Variants in IMPACT observed in about 807,000 individuals in gnomAD.
IMPACT encodes the protein protein IMPACT.
Under a neutral mutation model 47.5 loss-of-function variants are expected in IMPACT, and 35 were observed. The observed-to-expected ratio is 0.74, with a 90% CI of 0.56 to 0.98. IMPACT has a LOEUF of 0.98. Ranked by LOEUF, IMPACT falls within the 50% of genes least tolerant of loss-of-function variation. The pLI, the probability that IMPACT is intolerant of heterozygous loss-of-function variation, is 0.00. For synonymous variants in IMPACT, 118 were observed against 125.6 expected (o/e 0.94, Z 0.40); for missense variants, 373 against 394.8 (o/e 0.94, Z 0.47).
intron 8 of IMPACT, among the ~76,000 whole-genome samples, chr18:24,447,612 T>C (rs983899277): frequency 2.0e-5 from 3 of 152,192 alleles, no homozygotes; most frequent in Non-Finnish European, 4.4e-5. Context: ...GTATAAAATA[T>C]TACCTTATGT....
intron 4 of IMPACT, among the ~76,000 whole-genome samples, chr18:24,435,077 G>A (rs1035678408): frequency 1.3e-4 from 20 of 151,172 alleles, no homozygotes; most frequent in Non-Finnish European, 4.4e-5. Flanking sequence ...GGGCCCAAGT[G>A]ATCCTCCCAC....
intron 9 of IMPACT, among the ~76,000 whole-genome samples, chr18:24,448,484 A>G (rs936339326): frequency 6.6e-6 from 1 of 151,942 alleles, no homozygotes; most frequent in East Asian, 1.9e-4. Flanking sequence ...TATTTTTTCT[A>G]TTCTTTCTTT....
chr18:24,445,293 C>G (rs757937281), intron 7 of IMPACT, 100 bp from the exon 8 acceptor site: 3 of 709,574 alleles, frequency 4.2e-6, no homozygotes, highest in Non-Finnish European at 4.6e-6. Flanking sequence ...CTTTAAGTGA[C>G]TATTTATTTT....
intron 8 of IMPACT, among the ~76,000 whole-genome samples, chr18:24,446,004 T>C (rs1480440420): frequency 6.6e-6 from 1 of 152,168 alleles, no homozygotes; most frequent in African/African-American, 2.4e-5. Context: ...GAAAGAATTC[T>C]TAGAAGTAGA....
At chr18:24,428,822 T>G in intron 2 of IMPACT, 47 bp from the exon 3 acceptor site, 1 of 1,463,558 alleles carries the variant, frequency 6.8e-7, no homozygotes, top group East Asian at 2.3e-5. Context: ...TGGTTACTTT[T>G]GAACCTTGAT....
At chr18:24,434,776 A>ATAT (rs1555666477) in intron 4 of IMPACT, among the ~76,000 whole-genome samples, 33 of 113,998 alleles carry the variant, frequency 2.9e-4, no homozygotes, top group South Asian at 1.7e-3. Flanking sequence ...AAAAAAAAAA[A>ATAT]ATATATATAT....
Position 24,440,586 on chromosome 18 carries a change from C to T in IMPACT, c.458C>T (p.Ala153Val), listed in dbSNP as rs1056022984. Residue 153 changes from alanine (A) to valine (V), a missense_variant, in exon 6 of 11, where the codon GCA (alanine) becomes GTA (valine). Transcript: ENST00000284202. The stretch of plus-strand genomic sequence containing the variant: ...TGTCAGCCGGAAAGTTCGCTTAAAG[C>T]ATTGGATTTTGATATCAGTGAAACT... ...LACQPESSLK[A>V]LDFDISETRT... 1.2e-6 allele frequency: 2 copies of T among 1,613,052 alleles called. No homozygotes were observed. Among genetic ancestry groups the T allele is most frequent in the Non-Finnish European group, 1.7e-6 (2 of 1,179,410 alleles).
chr18:24,426,691 C>G lies in IMPACT; in HGVS notation c.-66C>G, dbSNP rs1227758065. ...CCGCAGCCAGCTCTCGGCTCGCAGCCGCAGCGCCCCGCCCCCGCGCTCCGG... is the reference window on the plus strand; with the variant it reads ...CCGCAGCCAGCTCTCGGCTCGCAGCGGCAGCGCCCCGCCCCCGCGCTCCGG... On this transcript the variant is annotated 5_prime_UTR_variant, in exon 1 of 11. Coordinates refer to ENST00000284202, the MANE Select transcript of IMPACT (RefSeq NM_018439.4). 3.4e-6 allele frequency: 4 copies of G among 1,177,108 alleles called. No homozygotes were observed. The highest frequency in any genetic ancestry group is 4.3e-6 in the Non-Finnish European group (4 of 936,638). The allele number at this position is 1,177,108 out of a possible 1,614,324, so 72.9% of individuals were successfully genotyped here.
intron 1 of IMPACT, chr18:24,427,029 A>C (rs1908627768): frequency 7.7e-6 from 3 of 390,044 alleles, no homozygotes; most frequent in East Asian, 7.3e-5. Context: ...TGTCCTCGTC[A>C]ACCATTAACA....
chr18:24,438,576 G>T (rs912457297), intron 5 of IMPACT, among the ~76,000 whole-genome samples: 2 of 152,152 alleles, frequency 1.3e-5, no homozygotes, highest in African/African-American at 2.4e-5. Context: ...TTTGTCCATT[G>T]TTTTCTCATG....
At position 24,427,745 on chromosome 18, in the gene IMPACT, C is replaced by A. The variant is rs78385757; in HGVS notation, c.37-174C>A. On this transcript the variant is annotated intron_variant, in intron 1 of 10. Coordinates refer to ENST00000284202, the MANE Select transcript of IMPACT (RefSeq NM_018439.4). ...TCATTGCAGTAGCGCCTAGCAACCA[C>A]CCAGAGAGCAGAACATGGTGACCTG... 8.4e-3 allele frequency: 4,860 copies of A among 575,808 alleles called. 189 individuals are homozygous for A. The highest frequency in any genetic ancestry group is 0.084 in the African/African-American group (4,314 of 51,304). 35.7% of individuals were successfully genotyped at this position (575,808 alleles called of 1,614,324 possible).
intron 8 of IMPACT, 103 bp downstream of exon 8, chr18:24,445,569 T>C (rs1283538410): frequency 1.2e-5 from 7 of 589,998 alleles, no homozygotes; most frequent in Non-Finnish European, 2.0e-5. Context: ...TTTTCCATTG[T>C]AATAGTAATA....
intron 5 of IMPACT, among the ~76,000 whole-genome samples, chr18:24,440,078 T>C (rs528267862): frequency 9.2e-5 from 14 of 152,338 alleles, no homozygotes; most frequent in African/African-American, 3.4e-4. Flanking sequence ...AATTCTATTA[T>C]GAGGAAGGGA....
chr18:24,453,393 A>G lies in IMPACT; in HGVS notation c.*2546A>G, dbSNP rs1909437439. The G allele has an allele frequency of 6.6e-6, 1 of 152,100 alleles. No individual in the cohort carries two copies. Among genetic ancestry groups the G allele is most frequent in the Non-Finnish European group, 1.5e-5 (1 of 68,020 alleles). 9.4% of individuals were successfully genotyped at this position (152,100 alleles called of 1,614,324 possible). Reference sequence around the variant, plus strand: ...TCCTTATATTATTTTTTTCTTATGCATGATTTTGTATATATGGTTATTTTT... The same window carrying G: ...TCCTTATATTATTTTTTTCTTATGCGTGATTTTGTATATATGGTTATTTTT... On this transcript the variant is annotated 3_prime_UTR_variant, in exon 11 of 11. Coordinates refer to ENST00000284202, the MANE Select transcript of IMPACT (RefSeq NM_018439.4).
At chr18:24,430,495 C>T in intron 4 of IMPACT, 111 bp downstream of exon 4, 1 of 700,140 alleles carries the variant, frequency 1.4e-6, no homozygotes, top group South Asian at 2.4e-5. Flanking sequence ...AAAGCTACTT[C>T]TGCTTTAACA....
intron 4 of IMPACT, 81 bp from the exon 5 acceptor site, chr18:24,437,874 T>C (rs1908988635): frequency 1.4e-6 from 1 of 725,212 alleles, no homozygotes; most frequent in Non-Finnish European, 2.4e-6. Context: ...ATGTCTTGGA[T>C]TGCAAATGTC....
chr18:24,449,951 C>T lies in IMPACT; in HGVS notation c.892C>T (p.Pro298Ser). Residue 298 changes from proline (P) to serine (S), a missense_variant and splice_region_variant, in exon 10 of 11, where the codon CCT (proline) becomes TCT (serine). Physicochemically the swap from Pro to Ser is moderately conservative, Grantham distance 74. Transcript: ENST00000284202. ...ILVEKNYTNS[P>S]EESSKALGKN... ...AGTGGAAAAGAACTACACAAATTCA[C>T]CTGTAAGTGGCTCTTCGTACTACAT... 1 of 1,613,866 alleles carries T rather than the reference C, an allele frequency of 6.2e-7. No homozygotes were observed. The highest frequency in any genetic ancestry group is 8.5e-7 in the Non-Finnish European group (1 of 1,179,810).
At chr18:24,444,362 CAG>C (rs749992835) in intron 7 of IMPACT, among the ~76,000 whole-genome samples, 6 of 152,164 alleles carry the variant, frequency 3.9e-5, no homozygotes, top group Non-Finnish European at 7.4e-5. Flanking sequence ...AAATGATAAA[CAG>C]AAGATTGCAC....
chr18:24,438,914 G>A (rs11083068), intron 5 of IMPACT, among the ~76,000 whole-genome samples: 5 of 144,782 alleles, frequency 3.5e-5, no homozygotes, highest in Non-Finnish European at 5.9e-5. Flanking sequence ...ATGTGTGTAT[G>A]TACCCACACA....
Sources: allele counts gnomAD v4.1 joint callset (sites outside exome capture counted in the v4.1 genomes callset), GRCh38; gene constraint gnomAD v4.1.1; transcripts MANE v1.5; gene names NCBI Gene and HGNC (gene_info 2026-07-23, HGNC 2026-07-21).